Variants in RRP36 observed in about 807,000 individuals in gnomAD.
RRP36 encodes the protein ribosomal RNA processing 36.
In RRP36, 44 loss-of-function variants were observed where a neutral mutation model predicts 39.8. The ratio of observed to expected loss-of-function variants is 1.10; its 90% CI spans 0.87 to 1.42. RRP36 has a LOEUF of 1.42. Ranked by LOEUF, RRP36 falls within the 40% of genes most tolerant of loss-of-function variation. The pLI, the probability that RRP36 is intolerant of heterozygous loss-of-function variation, is 0.00. For missense variants in RRP36, 316 were observed against 322.4 expected (o/e 0.98, Z 0.15); for synonymous variants, 124 against 123.1 (o/e 1.01, Z -0.05).
intron 6 of RRP36, among the ~76,000 whole-genome samples, chr6:43,028,192 C>G (rs932637360): frequency 6.6e-6 from 1 of 151,308 alleles, no homozygotes; most frequent in Non-Finnish European, 1.5e-5. Context: ...TTAGCCGGGC[C>G]TGGTGGCGTG....
rs148154536 is a variant in RRP36 at position 43,026,114 on chromosome 6, G to C, written c.423G>C (p.Leu141Phe). 3.8e-5 allele frequency: 61 copies of C among 1,613,698 alleles called. No individual in the cohort carries two copies. The African/African-American group carries it at 5.5e-4, about 14-fold the overall frequency. Residue 141 changes from leucine to phenylalanine, a missense_variant, in exon 4 of 7, where the codon TTG becomes TTC. Physicochemically the swap from Leu to Phe is conservative, Grantham distance 22. Transcript: ENST00000244496. ...TGTTTGACAAAACATACCAATTCTT[G>C]AATGACATCCGAGCGAAAGAGAAAG... Reference protein sequence around the residue: ...PEVFDKTYQFLNDIRAKEKEL... With the variant: ...PEVFDKTYQFFNDIRAKEKEL...
At position 43,025,269 on chromosome 6, in the gene RRP36, G is replaced by A. The variant is rs1204223357; in HGVS notation, c.285G>A (p.Leu95=). ...GCTTTTAATTTCTCCATAGGCCTCT[G>A]GAAATGTCAGCCAAGATCCGAGTAC... The part of the protein sequence containing the change: ...NACVADKHRP[L]EMSAKIRVPF... Residue 95 remains leucine, a synonymous_variant, in exon 3 of 7, where the codon CTG becomes CTA. Coordinates refer to ENST00000244496, the MANE Select transcript of RRP36 (RefSeq NM_033112.4). 1.9e-6 allele frequency: 3 copies of A among 1,614,012 alleles called. No homozygotes were observed. Among genetic ancestry groups the A allele is most frequent in the Non-Finnish European group, 1.7e-6 (2 of 1,180,032 alleles).
At chr6:43,027,822 T>C (rs1762845130) in intron 6 of RRP36, among the ~76,000 whole-genome samples, 2 of 143,680 alleles carry the variant, frequency 1.4e-5, no homozygotes, top group East Asian at 4.2e-4. Context: ...GTTTTATCTC[T>C]TGGTCTACAC....
chr6:43,022,193 G>T (rs1348975323), intron 1 of RRP36, among the ~76,000 whole-genome samples: 2 of 151,772 alleles, frequency 1.3e-5, no homozygotes, highest in Non-Finnish European at 2.9e-5. Context: ...CCGCCTCCCG[G>T]GTTCACGCCA....
At chr6:43,028,825 C>T (rs1238888846) in intron 6 of RRP36, among the ~76,000 whole-genome samples, 2 of 151,790 alleles carry the variant, frequency 1.3e-5, no homozygotes, top group East Asian at 1.9e-4. Flanking sequence ...TGGTGGTGCG[C>T]GCCTGTAATC....
chr6:43,028,287 ACTGTTGTACTCCAGC>A (rs1762854373), intron 6 of RRP36, among the ~76,000 whole-genome samples: 1 of 151,544 alleles, frequency 6.6e-6, no homozygotes, highest in South Asian at 2.1e-4. Context: ...CCTAGATTGC[ACTGTTGTACTCCAGC>A]CTGGGCAACA....
At position 43,025,286 on chromosome 6, in the gene RRP36, TC is replaced by T; in HGVS notation, c.304del (p.Arg102GlufsTer15). The T allele has an allele frequency of 6.2e-7, 1 of 1,614,102 alleles. No homozygotes were observed. Among genetic ancestry groups the T allele is most frequent in the Non-Finnish European group, 8.5e-7 (1 of 1,180,024 alleles). On this transcript the variant is annotated frameshift_variant, in exon 3 of 7. Coordinates refer to ENST00000244496, the MANE Select transcript of RRP36 (RefSeq NM_033112.4). LOFTEE classifies it high-confidence loss of function. ...KHRPLEMSAK[I>X]RVPFLRQVVP... ...AGGCCTCTGGAAATGTCAGCCAAGA[TC>T]CGAGTACCATTTTTACGTCAGGTTG... is the stretch of plus-strand genomic sequence containing the variant.
chr6:43,027,323 A>G lies in RRP36; in HGVS notation c.526-37A>G. ...GGGAGATATTCACAGATCTGAACAG[A>G]TCCCTCCCGTTCACCCATCTCATCT... is the stretch of plus-strand genomic sequence containing the variant. On this transcript the variant is annotated intron_variant, in intron 5 of 6. Coordinates refer to ENST00000244496, the MANE Select transcript of RRP36 (RefSeq NM_033112.4). 3.7e-6 allele frequency: 6 copies of G among 1,610,438 alleles called. No individual in the cohort carries two copies. The Middle Eastern group carries it at 5.0e-4, about 133-fold the overall frequency.
chr6:43,027,084 G>GTT, intron 4 of RRP36, 94 bp from the exon 5 acceptor site: 1 of 1,052,452 alleles, frequency 9.5e-7, no homozygotes. Flanking sequence ...GTGTGTGTGT[G>GTT]TATGTGTGTG....
rs1762712235 is a variant in RRP36 at position 43,021,675 on chromosome 6, C to T, written c.21C>T (p.Arg7=). ...AGCTGATGCCGGGAGCTAACTACCG[C>T]GCCGGGGCCGGGGCCGGGGCCGGGG... is the stretch of plus-strand genomic sequence containing the variant. The part of the protein sequence containing the change: MPGANY[R]AGAGAGAGAR... The change falls in exon 1 of 7, where the codon CGC becomes CGT. Residue 7 remains arginine (R), a synonymous_variant. Coordinates refer to ENST00000244496, the MANE Select transcript of RRP36 (RefSeq NM_033112.4). 1 of 1,252,772 alleles carries T rather than the reference C, an allele frequency of 8.0e-7. No individual in the cohort carries two copies. The highest frequency in any genetic ancestry group is 1.0e-6 in the Non-Finnish European group (1 of 998,954). The allele number at this position is 1,252,772 out of a possible 1,614,324, so 77.6% of individuals were successfully genotyped here.
At chr6:43,023,153 C>A (rs1034887497) in intron 1 of RRP36, among the ~76,000 whole-genome samples, 1 of 152,010 alleles carries the variant, frequency 6.6e-6, no homozygotes, top group African/African-American at 2.4e-5. Context: ...ATCCCAGCAC[C>A]AGGGGAGACT....
At chr6:43,028,954 G>C in intron 6 of RRP36, 138 bp from the exon 7 acceptor site, 3 of 1,189,762 alleles carry the variant, frequency 2.5e-6, no homozygotes, top group Non-Finnish European at 3.5e-6. Flanking sequence ...CTCCGTCTCA[G>C]AAAAAAGATA....
Position 43,025,189 on chromosome 6 carries a change from T to C in RRP36, c.278+57T>C. 14 of 1,612,708 alleles carry C rather than the reference T, an allele frequency of 8.7e-6. No homozygotes were observed. In the Middle Eastern group the frequency reaches 9.9e-4, roughly 114 times the overall value. ...TAACTGGGACCTTGAATAGGTATGTTGTCTTGGGTGACAGGTGGGAAGCCT... is the reference window on the plus strand; with the variant it reads ...TAACTGGGACCTTGAATAGGTATGTCGTCTTGGGTGACAGGTGGGAAGCCT... On this transcript the variant is annotated intron_variant, in intron 2 of 6. Coordinates refer to ENST00000244496, the MANE Select transcript of RRP36 (RefSeq NM_033112.4).
intron 4 of RRP36, 83 bp from the exon 5 acceptor site, chr6:43,027,095 A>AACTTCTT (rs1213383443): frequency 1.6e-6 from 2 of 1,249,666 alleles, no homozygotes; most frequent in South Asian, 1.2e-5. Flanking sequence ...TATGTGTGTG[A>AACTTCTT]ACTTCTTAGG....
At chr6:43,027,088 G>T in intron 4 of RRP36, 90 bp from the exon 5 acceptor site, 1 of 1,104,600 alleles carries the variant, frequency 9.1e-7, no homozygotes. Context: ...GTGTGTGTAT[G>T]TGTGTGAACT....
At chr6:43,027,562 C>T (rs2150297227) in intron 6 of RRP36, 85 bp downstream of exon 6, 1 of 1,100,832 alleles carries the variant, frequency 9.1e-7, no homozygotes, top group South Asian at 1.4e-5. Context: ...TCCCTGATCC[C>T]CTTTAAGGAA....
rs944474313 is a variant in RRP36, at chr6:43,026,406, G to A, written c.450+265G>A. Among the ~76,000 whole-genome samples, 12 of 152,216 alleles carry A rather than the reference G, an allele frequency of 7.9e-5. No individual in the cohort carries two copies. The South Asian group carries it at 1.2e-3, about 16-fold the overall frequency. ...TTGGAGGCCGGGTGTGGTGGCTCAC[G>A]CCTGTAAGTAATCCCAGCACTTGGG... On this transcript the variant is annotated intron_variant, in intron 4 of 6. Transcript: ENST00000244496.
At position 43,029,344 on chromosome 6, in the gene RRP36, A is replaced by G. The variant is rs1762872950; in HGVS notation, c.*116A>G. ...AGGATCACAGCTGCCCTTGAATCTC[A>G]TTGCCTCAGAGAAGACTAGAGGGCT... On this transcript the variant is annotated 3_prime_UTR_variant, in exon 7 of 7. Coordinates refer to ENST00000244496, the MANE Select transcript of RRP36 (RefSeq NM_033112.4). 2 of 1,218,048 alleles carry G rather than the reference A, an allele frequency of 1.6e-6. No homozygotes were observed. Among genetic ancestry groups the G allele is most frequent in the South Asian group, 2.8e-5 (2 of 71,224 alleles). 75.5% of individuals were successfully genotyped at this position (1,218,048 alleles called of 1,614,324 possible). A position where few individuals can be genotyped will look rare whatever the true frequency, so the allele number is the denominator to read the frequency against.
chr6:43,029,000 C>A, intron 6 of RRP36, 92 bp from the exon 7 acceptor site: 1 of 1,521,678 alleles, frequency 6.6e-7, no homozygotes, highest in Non-Finnish European at 9.0e-7. Context: ...ACTCATGTAT[C>A]CAGCATAATG....
Sources: gnomAD v4.1 joint callset for allele counts (sites outside exome capture counted in the v4.1 genomes callset) on GRCh38, gnomAD v4.1.1 for gene constraint, MANE v1.5 for transcripts, NCBI Gene and HGNC (gene_info 2026-07-23, HGNC 2026-07-21) for gene names.